ADAMTS13: variants seen among roughly 807,000 people sequenced by gnomAD.
ADAMTS13 encodes the protein A disintegrin and metalloproteinase with thrombospondin motifs 13.
ADAMTS13 carries 110 observed loss-of-function variants against 155.1 expected under a neutral mutation model. That is an observed-to-expected ratio of 0.71 (90% CI 0.61 to 0.83). ADAMTS13 has a LOEUF of 0.83. Among genes scored for constraint, ADAMTS13 ranks in the 40% least tolerant of loss-of-function variants. ADAMTS13 has a pLI of 0.00. For missense variants in ADAMTS13, 1,707 were observed against 1,891.7 expected (o/e 0.90, Z 1.81); for synonymous variants, 758 against 756.4 (o/e 1.00, Z -0.03).
intron 21 of ADAMTS13, among the ~76,000 whole-genome samples, chr9:133,447,228 C>G (rs1197209790): frequency 6.6e-6 from 1 of 152,150 alleles, no homozygotes; most frequent in Non-Finnish European, 1.5e-5. Flanking sequence ...AACGAAAACC[C>G]TGACCACTTG....
At chr9:133,438,468 C>A in intron 14 of ADAMTS13, 102 bp downstream of exon 14, 1 of 1,525,712 alleles carries the variant, frequency 6.6e-7, no homozygotes, top group Non-Finnish European at 8.9e-7. Flanking sequence ...ACAGGGCCTG[C>A]ACACTCACTC....
At position 133,424,603 on chromosome 9, in the gene ADAMTS13, T is replaced by C; in HGVS notation, c.330+125T>C. The stretch of plus-strand genomic sequence containing the variant: ...ACTCAGGTAGAATGGCTCGGGGTTC[T>C]TCCTCTTCTCCCTCCCTCCCCTGGG... On this transcript the variant is annotated intron_variant, in intron 3 of 28. Coordinates refer to ENST00000355699, the MANE Select transcript of ADAMTS13 (RefSeq NM_139027.6). The surrounding 1 kb of genome is among the most constrained non-coding windows in gnomAD (Gnocchi z 4.3). The C allele has an allele frequency of 7.1e-7, 1 of 1,415,266 alleles. No homozygotes were observed. Among genetic ancestry groups the C allele is most frequent in the Non-Finnish European group, 9.7e-7 (1 of 1,035,822 alleles). 87.7% of individuals were successfully genotyped at this position (1,415,266 alleles called of 1,614,324 possible).
chr9:133,426,187 T>C lies in ADAMTS13; in HGVS notation c.540-12T>C, dbSNP rs1554785212. 3.7e-6 allele frequency: 6 copies of C among 1,614,014 alleles called. No homozygotes were observed. Among genetic ancestry groups the C allele is most frequent in the Non-Finnish European group, 5.1e-6 (6 of 1,180,032 alleles). On this transcript the variant is annotated splice_polypyrimidine_tract_variant and intron_variant, in intron 5 of 28. Transcript: ENST00000355699. ...CTTGGCACCACCCAAGTGACTGTTTTCTCTCACCGAGGTTTGACCTGGAGT... is the reference window on the plus strand; with the variant it reads ...CTTGGCACCACCCAAGTGACTGTTTCCTCTCACCGAGGTTTGACCTGGAGT...
At position 133,428,658 on chromosome 9, in the gene ADAMTS13, G is replaced by T; in HGVS notation, c.711G>T (p.Ala237=). The change falls in exon 7 of 29, where the codon GCG becomes GCT. Residue 237 remains alanine (A), a synonymous_variant. Transcript: ENST00000355699. ...GHSFGLEHDG[A]PGSGCGPSGH... is the part of the protein sequence containing the mutation. ...GCTTCGGCCTGGAGCACGACGGCGC[G>T]CCCGGCAGCGGCTGCGGCCCCAGCG... 1 of 1,350,240 alleles carries T rather than the reference G, an allele frequency of 7.4e-7. No homozygotes were observed. Among genetic ancestry groups the T allele is most frequent in the Non-Finnish European group, 9.6e-7 (1 of 1,046,964 alleles). The allele number at this position is 1,350,240 out of a possible 1,614,324, so 83.6% of individuals were successfully genotyped here.
At position 133,424,516 on chromosome 9, in the gene ADAMTS13, C is replaced by A. The variant is rs1554784700; in HGVS notation, c.330+38C>A. ...CGCTGGACTGTGCAGGTCCCCACGG[C>A]CAGGGCTGGTGACCAATGTCTGTGG... is the stretch of plus-strand genomic sequence containing the variant. On this transcript the variant is annotated intron_variant, in intron 3 of 28. Coordinates refer to ENST00000355699, the MANE Select transcript of ADAMTS13 (RefSeq NM_139027.6). The surrounding 1 kb of genome is among the most constrained non-coding windows in gnomAD (Gnocchi z 4.3). The A allele has an allele frequency of 6.3e-7, 1 of 1,589,774 alleles. No individual in the cohort carries two copies. The highest frequency in any genetic ancestry group is 1.1e-5 in the South Asian group (1 of 88,256).
At chr9:133,437,295 C>T (rs1448331054) in intron 12 of ADAMTS13, among the ~76,000 whole-genome samples, 4 of 152,284 alleles carry the variant, frequency 2.6e-5, no homozygotes, top group Non-Finnish European at 4.4e-5. Flanking sequence ...CTTGCTCTGT[C>T]GCCCAGGCTG....
At chr9:133,458,809 C>G (rs587604710) in intron 28 of ADAMTS13, among the ~76,000 whole-genome samples, 165 bp from the exon 29 acceptor site, 1 of 152,194 alleles carries the variant, frequency 6.6e-6, no homozygotes, top group Non-Finnish European at 1.5e-5. Flanking sequence ...AGTGATGTAA[C>G]GTCCCTGGAC....
Position 133,456,562 on chromosome 9 carries a change from G to A in ADAMTS13, c.3567G>A (p.Trp1189Ter). The change falls in exon 27 of 29, where the codon TGG (tryptophan) becomes TGA (stop). Residue 1189 changes from tryptophan (W) to a stop codon, truncating the protein, a stop_gained. Coordinates refer to ENST00000355699, the MANE Select transcript of ADAMTS13 (RefSeq NM_139027.6). LOFTEE classifies it high-confidence loss of function. The surrounding 1 kb of genome is among the most constrained non-coding windows in gnomAD (Gnocchi z 4.4). ...TCCTAGGGGACATGTTGCTGCTTTG[G>A]GGCCGGCTCACCTGGAGGAAGATGT... is the stretch of plus-strand genomic sequence containing the variant. ...NCSAGDMLLL[W>*]GRLTWRKMCR... The A allele has an allele frequency of 6.2e-7, 1 of 1,613,532 alleles. No individual in the cohort carries two copies. The highest frequency in any genetic ancestry group is 1.1e-5 in the South Asian group (1 of 90,968).
chr9:133,458,978 G>A lies in ADAMTS13; in HGVS notation c.3914G>A (p.Arg1305Gln), dbSNP rs782261759. 1 of 1,612,924 alleles carries A rather than the reference G, an allele frequency of 6.2e-7. No homozygotes were observed. The highest frequency in any genetic ancestry group is 8.5e-7 in the Non-Finnish European group (1 of 1,179,866). Residue 1305 changes from arginine to glutamine, a missense_variant, in exon 29 of 29, where the codon CGG (arginine) becomes CAG (glutamine). Physicochemically the swap from Arg to Gln is conservative, Grantham distance 43. Coordinates refer to ENST00000355699, the MANE Select transcript of ADAMTS13 (RefSeq NM_139027.6). ...GGGCTGCCCCTTTTCTCTCAGATCC[G>A]GGACACCCACAGCTTGAGGACCACA... The part of the protein sequence containing the change: ...EGANASYILI[R>Q]DTHSLRTTAF...
At position 133,440,568 on chromosome 9, in the gene ADAMTS13, T is replaced by C. The variant is rs36221220; in HGVS notation, c.1968+43T>C. The C allele has an allele frequency of 7.0e-3, 10,808 of 1,537,130 alleles. 267 individuals are homozygous for C. In the African/African-American group the frequency reaches 0.085, roughly 12 times the overall value. On this transcript the variant is annotated intron_variant, in intron 16 of 28. Transcript: ENST00000355699. This position sits in a 1 kb window ranked among gnomAD's most constrained non-coding sequence, Gnocchi z 4.3. Reference sequence around the variant, plus strand: ...GGGGAGGCCAGTGGGGGCTTCTTCTTGGGGGCTATGGCTGCTTGCTCGTTT... The same window carrying C: ...GGGGAGGCCAGTGGGGGCTTCTTCTCGGGGGCTATGGCTGCTTGCTCGTTT...
intron 5 of ADAMTS13, 48 bp from the exon 6 acceptor site, chr9:133,426,151 C>G: frequency 1.2e-6 from 2 of 1,613,978 alleles, no homozygotes; most frequent in Non-Finnish European, 1.7e-6. Flanking sequence ...GACCCCAGGG[C>G]AGGCACGTGC....
exon 1 of ADAMTS13, chr9:133,414,407 C>T (rs782351644): frequency 9.3e-5 from 62 of 670,154 alleles, no homozygotes; most frequent in Non-Finnish European, 1.1e-4. Context: ...TTTCTGGCTT[C>T]AGCACGCTTT....
upstream of ADAMTS13, chr9:133,417,989 A>G: frequency 1.4e-6 from 1 of 725,838 alleles, no homozygotes; most frequent in Non-Finnish European, 2.2e-6. Flanking sequence ...ACTCCGGAAG[A>G]GACCCCGCAC....
Position 133,437,730 on chromosome 9 carries a change from T to A in ADAMTS13, c.1436-19T>A. ...CTCCTGCTCGGTTCAGGACACCCTT[T>A]TTCACTCTGCCCTCCCAGGGGATGC... On this transcript the variant is annotated intron_variant, in intron 12 of 28. Coordinates refer to ENST00000355699, the MANE Select transcript of ADAMTS13 (RefSeq NM_139027.6). 6.2e-7 allele frequency: 1 copy of A among 1,613,606 alleles called. No individual in the cohort carries two copies.
chr9:133,423,757 A>G (rs1840101381), intron 2 of ADAMTS13, among the ~76,000 whole-genome samples: 1 of 152,262 alleles, frequency 6.6e-6, no homozygotes, highest in Non-Finnish European at 1.5e-5. Flanking sequence ...GGTCTAGGCC[A>G]GAGGCACACT....
At chr9:133,417,750 T>C (rs782485323), upstream of ADAMTS13, 44 of 1,613,506 alleles carry the variant, frequency 2.7e-5, no homozygotes, top group Middle Eastern at 1.7e-4. Context: ...TTTTTTCTTC[T>C]TGTTTTTCTT....
Position 133,426,051 on chromosome 9 carries a change from C to T in ADAMTS13, c.528C>T (p.Leu176=). ...DTDPGHADLV[L]YITRFDLELP... is the part of the protein sequence containing the mutation. ...ATCCTGGCCATGCTGACCTGGTCCT[C>T]TATATCACTAGGTAGCCGAGCTTTC... The change falls in exon 5 of 29, where the codon CTC becomes CTT. Residue 176 remains leucine, a synonymous_variant. Transcript: ENST00000355699. The T allele has an allele frequency of 6.2e-7, 1 of 1,614,084 alleles. No homozygotes were observed.
intron 28 of ADAMTS13, 75 bp from the exon 29 acceptor site, chr9:133,458,899 C>G (rs1554797007): frequency 7.5e-7 from 1 of 1,326,472 alleles, no homozygotes; most frequent in African/African-American, 1.5e-5. Flanking sequence ...TCTGTGAGCC[C>G]TTGCACACGA....
intron 7 of ADAMTS13, chr9:133,429,603 C>T (rs1282488259): frequency 1.6e-5 from 7 of 442,410 alleles, no homozygotes; most frequent in Non-Finnish European, 3.0e-5. Flanking sequence ...AGTCCCACAC[C>T]CCTATCTCCC....
Sources: allele counts gnomAD v4.1 joint callset (sites outside exome capture counted in the v4.1 genomes callset), GRCh38; gene constraint gnomAD v4.1.1; non-coding constraint Gnocchi (gnomAD v3.1); transcripts MANE v1.5; gene names NCBI Gene and HGNC (gene_info 2026-07-23, HGNC 2026-07-21).